Variants in SAMD3 observed in about 807,000 individuals in gnomAD.
SAMD3 encodes the protein sterile alpha motif domain containing 3.
Under a neutral mutation model 58.5 loss-of-function variants are expected in SAMD3, and 63 were observed. The observed-to-expected ratio is 1.08, with a 90% CI of 0.88 to 1.33. The LOEUF (loss-of-function observed/expected upper bound fraction) is 1.33. SAMD3 is among the 40% of genes most tolerant of loss of function. The pLI is 0.00. For missense variants in SAMD3, 604 were observed against 608.4 expected (o/e 0.99, Z 0.08); for synonymous variants, 220 against 210.3 (o/e 1.05, Z -0.40).
intron 5 of SAMD3, among the ~76,000 whole-genome samples, chr6:130,200,458 A>G (rs1171962588): frequency 6.7e-6 from 1 of 149,672 alleles, no homozygotes; most frequent in Non-Finnish European, 1.5e-5. Flanking sequence ...CTGAGGCAGG[A>G]GAATTGCTTG....
At chr6:130,210,616 C>G (rs1235431343) in intron 4 of SAMD3, among the ~76,000 whole-genome samples, 1 of 150,662 alleles carries the variant, frequency 6.6e-6, no homozygotes, top group African/African-American at 2.4e-5. Context: ...AAAAAAAGGT[C>G]AGGTATAAAC....
chr6:130,216,805 G>C (rs1053014810), intron 1 of SAMD3, among the ~76,000 whole-genome samples, 189 bp from the exon 2 acceptor site: 1 of 152,168 alleles, frequency 6.6e-6, no homozygotes, highest in Non-Finnish European at 1.5e-5. Context: ...CAATAGCAGG[G>C]TGTGAAAAGT....
At chr6:130,261,771 T>A (rs1774149555) in intron 2 of SAMD3, among the ~76,000 whole-genome samples, 1 of 152,114 alleles carries the variant, frequency 6.6e-6, no homozygotes, top group South Asian at 2.1e-4. Context: ...TAGAGGTGGG[T>A]TGGCCATCAG....
intron 8 of SAMD3, among the ~76,000 whole-genome samples, chr6:130,155,801 A>G (rs1373083712): frequency 6.6e-6 from 1 of 152,238 alleles, no homozygotes; most frequent in African/African-American, 2.4e-5. Context: ...CACATAGGAA[A>G]GCCTCAGTAG....
intron 5 of SAMD3, among the ~76,000 whole-genome samples, chr6:130,185,356 G>C (rs1400273683): frequency 6.6e-6 from 1 of 152,058 alleles, no homozygotes; most frequent in Non-Finnish European, 1.5e-5. Context: ...TTAAGATGGA[G>C]TCTCACTCTG....
chr6:130,357,771 C>A (rs1777877566), intron 1 of SAMD3, among the ~76,000 whole-genome samples: 1 of 152,186 alleles, frequency 6.6e-6, no homozygotes. Context: ...GAAGGAAAAA[C>A]CTGCTGCTAC....
chr6:130,274,457 C>A (rs553426877), intron 2 of SAMD3, among the ~76,000 whole-genome samples: 47 of 152,220 alleles, frequency 3.1e-4, no homozygotes, highest in Middle Eastern at 3.4e-3. Flanking sequence ...ATATTTTAGT[C>A]GAGTGACATG....
At chr6:130,294,216 A>T (rs889783414) in intron 2 of SAMD3, among the ~76,000 whole-genome samples, 1 of 152,178 alleles carries the variant, frequency 6.6e-6, no homozygotes, top group Non-Finnish European at 1.5e-5. Context: ...CTTTAATTTC[A>T]ATTTGGATGA....
intron 2 of SAMD3, among the ~76,000 whole-genome samples, chr6:130,248,179 CGTGT>C (rs71810571): frequency 0.18 from 25,957 of 146,214 alleles, 2,819 homozygotes; most frequent in African/African-American, 0.32. Flanking sequence ...AAGTGTTTTG[CGTGT>C]GTGTGTGTGT....
At chr6:130,310,210 A>C in intron 2 of SAMD3, among the ~76,000 whole-genome samples, 1 of 152,206 alleles carries the variant, frequency 6.6e-6, no homozygotes, top group East Asian at 1.9e-4. Flanking sequence ...GCAAAATATC[A>C]TCACCGTAAT....
rs80284438 is a variant in SAMD3, at chr6:130,306,342, G to A, written c.-188+6636C>T. On this transcript the variant is annotated intron_variant, in intron 2 of 13. Transcript: ENST00000368134. ...TACAAAGTTGTTAGGAGAGTTAGAG[G>A]AACAAAAAAGGAAAGATTAATTACC... 7.3e-3 allele frequency among the ~76,000 whole-genome samples: 1,112 copies of A among 152,090 alleles called. 16 individuals are homozygous for A. Among genetic ancestry groups the A allele is most frequent in the African/African-American group, 0.023 (973 of 41,522 alleles).
chr6:130,308,434 T>C (rs1000554161), intron 2 of SAMD3, among the ~76,000 whole-genome samples: 1 of 143,082 alleles, frequency 7.0e-6, no homozygotes, highest in African/African-American at 2.5e-5. Context: ...TATTCTATTC[T>C]ATTCTTTTGT....
chr6:130,313,326 C>T (rs988987328), intron 1 of SAMD3, among the ~76,000 whole-genome samples: 1 of 152,176 alleles, frequency 6.6e-6, no homozygotes, highest in Non-Finnish European at 1.5e-5. Flanking sequence ...TGTTTAGCAG[C>T]ATCCCTGGTG....
chr6:130,347,962 A>G (rs2115031473), intron 1 of SAMD3, among the ~76,000 whole-genome samples: 2 of 152,352 alleles, frequency 1.3e-5, no homozygotes, highest in South Asian at 4.1e-4. Flanking sequence ...CCAGAATTTC[A>G]TATCCAGCCA....
intron 1 of SAMD3, among the ~76,000 whole-genome samples, chr6:130,338,027 G>T (rs1724967153): frequency 6.6e-6 from 1 of 152,220 alleles, no homozygotes; most frequent in Non-Finnish European, 1.5e-5. Flanking sequence ...GACCTTCACA[G>T]CAGCCCTTCC....
At chr6:130,338,284 T>C (rs1268307051) in intron 1 of SAMD3, among the ~76,000 whole-genome samples, 2 of 152,250 alleles carry the variant, frequency 1.3e-5, no homozygotes, top group Admixed American at 6.5e-5. Context: ...ATTTGGGAAC[T>C]TCTGCCTAAA....
At chr6:130,148,038 A>G (rs1788794706) in intron 9 of SAMD3, among the ~76,000 whole-genome samples, 1 of 152,168 alleles carries the variant, frequency 6.6e-6, no homozygotes, top group African/African-American at 2.4e-5. Flanking sequence ...AAATTAATAT[A>G]TGTTGTATTT....
intron 5 of SAMD3, among the ~76,000 whole-genome samples, chr6:130,203,827 T>C (rs929768690): frequency 3.3e-5 from 5 of 152,212 alleles, no homozygotes; most frequent in South Asian, 2.1e-4. Flanking sequence ...CCTGCATTAA[T>C]GAACCCATAA....
chr6:130,265,191 C>T (rs1186120260), intron 2 of SAMD3, among the ~76,000 whole-genome samples: 2 of 152,222 alleles, frequency 1.3e-5, no homozygotes, highest in East Asian at 3.8e-4. Context: ...CGCCACCTTG[C>T]TCCTGGTATC....
Sources: allele counts gnomAD v4.1 joint callset (sites outside exome capture counted in the v4.1 genomes callset), GRCh38; gene constraint gnomAD v4.1.1; transcripts MANE v1.5; gene names NCBI Gene and HGNC (gene_info 2026-07-23, HGNC 2026-07-21).